Variants in DOCK10 observed in about 807,000 individuals in gnomAD.
The protein encoded by DOCK10 is dedicator of cytokinesis 10, also known as dedicator of cytokinesis protein 10.
In DOCK10, 145 loss-of-function variants were observed where a neutral mutation model predicts 280.1. The ratio of observed to expected loss-of-function variants is 0.52; its 90% CI spans 0.45 to 0.59. The LOEUF (loss-of-function observed/expected upper bound fraction) is 0.59, where lower values mean the gene tolerates loss of function less well. Ranked by LOEUF, DOCK10 falls within the 20% of genes least tolerant of loss-of-function variation. The probability of loss-of-function intolerance (pLI) is 0.00; values close to 1 mark genes in which losing one functional copy is unlikely to be tolerated. For synonymous variants in DOCK10, 915 were observed against 942.2 expected, an observed-to-expected ratio of 0.97 and a Z score of 0.53; for missense variants, 2,368 against 2,651.7, an observed-to-expected ratio of 0.89 and a Z score of 2.35.
intron 1 of DOCK10, among the ~76,000 whole-genome samples, chr2:224,983,083 G>A (rs1705829657): frequency 6.6e-6 from 1 of 152,110 alleles, no homozygotes; most frequent in Non-Finnish European, 1.5e-5. Flanking sequence ...ATTTACATAC[G>A]CGGCTTGCAG....
At chr2:224,845,441 C>A in intron 20 of DOCK10, 78 bp downstream of exon 20, 2 of 1,552,514 alleles carry the variant, frequency 1.3e-6, no homozygotes, top group Non-Finnish European at 8.7e-7. Flanking sequence ...TTCAATAAAT[C>A]AGGGCTTTGA....
intron 3 of DOCK10, among the ~76,000 whole-genome samples, chr2:224,915,413 T>A (rs1291570913): frequency 6.6e-6 from 1 of 152,086 alleles, no homozygotes; most frequent in South Asian, 2.1e-4. Context: ...CTTTTTTCTA[T>A]CTCCTTAAAA....
rs187278183 is a variant in DOCK10 at position 224,777,201 on chromosome 2, G to C, written c.5802+937C>G. Among the ~76,000 whole-genome samples the C allele has an allele frequency of 4.6e-4, 70 of 151,960 alleles. 2 individuals are homozygous for C. The highest frequency in any genetic ancestry group is 1.6e-3 in the African/African-American group (67 of 41,226). ...AGAGGAAGGTAACTGAATGTTCAAA[G>C]GTTAATGTAATGTAATGTAATGTAA... On this transcript the variant is annotated intron_variant, in intron 51 of 55. Coordinates refer to ENST00000258390, the MANE Select transcript of DOCK10 (RefSeq NM_014689.3).
intron 28 of DOCK10, among the ~76,000 whole-genome samples, chr2:224,819,785 A>G (rs892269178): frequency 1.1e-4 from 17 of 152,182 alleles, no homozygotes; most frequent in Admixed American, 6.5e-4. Flanking sequence ...AAAAATTCAG[A>G]AGAAAACAAG....
chr2:224,961,547 G>T, intron 1 of DOCK10, among the ~76,000 whole-genome samples: 1 of 142,778 alleles, frequency 7.0e-6, no homozygotes, highest in Non-Finnish European at 1.5e-5. Flanking sequence ...TCGCTCTGTT[G>T]CCAGGCTGGA....
At chr2:224,837,621 T>C (rs1695672873) in intron 25 of DOCK10, 141 bp downstream of exon 25, 12 of 645,406 alleles carry the variant, frequency 1.9e-5, no homozygotes, top group South Asian at 3.8e-5. Flanking sequence ...GAATTCTAAG[T>C]AGCTAAGGCA....
At chr2:224,961,395 A>G (rs1049993404) in intron 1 of DOCK10, among the ~76,000 whole-genome samples, 4 of 97,364 alleles carry the variant, frequency 4.1e-5, no homozygotes, top group East Asian at 3.0e-4. Context: ...GCATAGCAGC[A>G]TTTTCTTTCT....
At position 224,874,325 on chromosome 2, in the gene DOCK10, C is replaced by T. The variant is rs1300094528; in HGVS notation, c.1042G>A (p.Val348Ile). 2 of 1,612,616 alleles carry T rather than the reference C, an allele frequency of 1.2e-6. No individual in the cohort carries two copies. The highest frequency in any genetic ancestry group is 1.7e-6 in the Non-Finnish European group (2 of 1,179,412). ...CTCTCCATGTTTCGAGTTGTTTTTA[C>T]AGTATCTTCTGTTTCTGTGAGGTAC... is the stretch of plus-strand genomic sequence containing the variant. ...AKYLTETEDT[V>I]KTTRNMERLN... Residue 348 changes from valine (V) to isoleucine (I), a missense_variant, in exon 10 of 56, where the codon GTA (valine) becomes ATA (isoleucine). Val to Ile is a conservative substitution (Grantham distance 29). Around this residue, in one of 2 missense-constraint regions of DOCK10, gnomAD observed 1,209 missense variants for 1,250.9 expected, o/e 0.97. Transcript: ENST00000258390.
At chr2:224,931,310 C>G (rs759264805) in intron 2 of DOCK10, among the ~76,000 whole-genome samples, 2 of 152,182 alleles carry the variant, frequency 1.3e-5, no homozygotes, top group Non-Finnish European at 2.9e-5. Flanking sequence ...CAGCTGGAAC[C>G]GGGCAGTGTC....
rs114832406 is a variant in DOCK10 at position 224,842,305 on chromosome 2, G to C, written c.2569-409C>G. Among the ~76,000 whole-genome samples, 1,270 of 152,262 alleles carry C rather than the reference G, an allele frequency of 8.3e-3. 24 individuals are homozygous for C. The highest frequency in any genetic ancestry group is 0.029 in the African/African-American group (1,200 of 41,538). On this transcript the variant is annotated intron_variant, in intron 22 of 55. Coordinates refer to ENST00000258390, the MANE Select transcript of DOCK10 (RefSeq NM_014689.3). ...CAATGCGTACTCTTTAATATCTACA[G>C]GGCATATTTTTAGGCTTAGAATGCC...
At position 224,874,313 on chromosome 2, in the gene DOCK10, G is replaced by A. The variant is rs1297544137; in HGVS notation, c.1054C>T (p.Arg352Ter). 6.2e-6 allele frequency: 10 copies of A among 1,613,048 alleles called. No individual in the cohort carries two copies. The highest frequency in any genetic ancestry group is 2.2e-5 in the East Asian group (1 of 44,866). ...TETEDTVKTTRNMERLNLFSL... is the reference protein window; with the variant it reads ...TETEDTVKTT ...AACAGATTTAGCCTCTCCATGTTTC[G>A]AGTTGTTTTTACAGTATCTTCTGTT... Residue 352 changes from arginine to a stop codon, truncating the protein, a stop_gained, in exon 10 of 56, where the codon CGA becomes TGA. Transcript: ENST00000258390. LOFTEE classifies it high-confidence loss of function.
At chr2:224,928,505 G>C (rs543753774) in intron 2 of DOCK10, among the ~76,000 whole-genome samples, 1 of 152,152 alleles carries the variant, frequency 6.6e-6, no homozygotes, top group South Asian at 2.1e-4. Flanking sequence ...TTAGCTCATG[G>C]GACATAAAAA....
At chr2:225,000,203 CAG>C (rs1299863368) in intron 1 of DOCK10, among the ~76,000 whole-genome samples, 2 of 123,550 alleles carry the variant, frequency 1.6e-5, no homozygotes, top group Non-Finnish European at 1.7e-5. Context: ...CACACACACA[CAG>C]ACACACACAC....
At chr2:224,800,299 A>G in intron 40 of DOCK10, 36 bp from the exon 41 acceptor site, 10 of 1,338,708 alleles carry the variant, frequency 7.5e-6, no homozygotes, top group Non-Finnish European at 1.1e-5. Flanking sequence ...GTAAAAGTCT[A>G]AGACAATGCT....
chr2:224,874,676 T>C lies in DOCK10; in HGVS notation c.1007A>G (p.Asp336Gly). 1 of 1,613,882 alleles carries C rather than the reference T, an allele frequency of 6.2e-7. No homozygotes were observed. The highest frequency in any genetic ancestry group is 8.5e-7 in the Non-Finnish European group (1 of 1,179,778). Reference sequence around the variant, plus strand: ...TGCCAACTTTATTACCTTTGCAAAGTCTGCGTGTAGGTTGTTCTCTGAAGA... The same window carrying C: ...TGCCAACTTTATTACCTTTGCAAAGCCTGCGTGTAGGTTGTTCTCTGAAGA... ...TDSSENNLHA[D>G]FAKYLTETED... The change falls in exon 9 of 56, where the codon GAC (aspartate) becomes GGC (glycine). Residue 336 changes from aspartate (D) to glycine (G), a missense_variant. This residue lies in a region of DOCK10 where 1,209 missense variants were observed against 1,250.9 expected (regional missense o/e 0.97). Transcript: ENST00000258390.
At chr2:225,005,456 T>C (rs1348543692) in intron 1 of DOCK10, among the ~76,000 whole-genome samples, 1 of 152,250 alleles carries the variant, frequency 6.6e-6, no homozygotes, top group African/African-American at 2.4e-5. Context: ...TGTCCCACCA[T>C]CTTGATTTTT....
At chr2:224,796,868 T>TA (rs1692615391) in intron 43 of DOCK10, 96 bp downstream of exon 43, 20 of 1,108,842 alleles carry the variant, frequency 1.8e-5, no homozygotes, top group Non-Finnish European at 2.5e-5. Flanking sequence ...GTGGAGGAGT[T>TA]AGTGACGGCT....
chr2:224,883,229 G>A (rs1699075826), intron 7 of DOCK10, among the ~76,000 whole-genome samples: 1 of 152,140 alleles, frequency 6.6e-6, no homozygotes, highest in African/African-American at 2.4e-5. Flanking sequence ...CATCGCTCTC[G>A]AGATATCGTG....
At chr2:224,943,921 G>A (rs1219770213) in intron 1 of DOCK10, among the ~76,000 whole-genome samples, 3 of 151,886 alleles carry the variant, frequency 2.0e-5, no homozygotes, top group East Asian at 1.9e-4. Context: ...GTGCCACCAC[G>A]GCCGGCTAAT....
Sources: allele counts gnomAD v4.1 joint callset (sites outside exome capture counted in the v4.1 genomes callset), GRCh38; gene constraint gnomAD v4.1.1; regional missense constraint gnomAD v4.1.1; transcripts MANE v1.5; gene names NCBI Gene and HGNC (gene_info 2026-07-23, HGNC 2026-07-21).